Variants in PSTPIP2 observed in about 807,000 individuals in gnomAD.
PSTPIP2 encodes proline-serine-threonine phosphatase-interacting protein 2.
A neutral mutation model predicts 63.3 loss-of-function variants in PSTPIP2; 33 were observed. The observed-to-expected ratio is 0.52, with a 90% confidence interval of 0.40 to 0.70. The LOEUF (loss-of-function observed/expected upper bound fraction) is 0.70. PSTPIP2 is among the 30% of genes least tolerant of loss of function. The pLI, the probability that PSTPIP2 is intolerant of heterozygous loss-of-function variation, is 0.00. For missense variants in PSTPIP2, 312 were observed against 400.7 expected (o/e 0.78, Z 1.89); for synonymous variants, 125 against 132.7 (o/e 0.94, Z 0.40).
In PSTPIP2 at chr18:46,055,945, G is replaced by A. The variant is rs74733690; in HGVS notation, c.34-15898C>T. Among the ~76,000 whole-genome samples the A allele has an allele frequency of 6.1e-3, 935 of 152,314 alleles. 8 individuals are homozygous for A. Among genetic ancestry groups the A allele is most frequent in the South Asian group, 0.019 (93 of 4,830 alleles). Reference sequence around the variant, plus strand: ...GCAGGCAAACAAGCTTCTACTCCACGGGAAAACCGAGTATTTTTAGACTGT... The same window carrying A: ...GCAGGCAAACAAGCTTCTACTCCACAGGAAAACCGAGTATTTTTAGACTGT... On this transcript the variant is annotated intron_variant, in intron 1 of 14. Transcript: ENST00000409746.
At chr18:46,046,617 A>G (rs1040244809) in intron 1 of PSTPIP2, among the ~76,000 whole-genome samples, 4 of 152,242 alleles carry the variant, frequency 2.6e-5, no homozygotes, top group African/African-American at 9.6e-5. Flanking sequence ...AAGAACCATC[A>G]TGGTTCCTGC....
At chr18:46,015,789 T>A (rs1020346160) in intron 4 of PSTPIP2, 114 bp downstream of exon 4, 2 of 1,211,070 alleles carry the variant, frequency 1.7e-6, no homozygotes, top group East Asian at 5.1e-5. Flanking sequence ...GGAGTTGCTC[T>A]AATTTTTTTT....
At chr18:46,052,567 T>A (rs1434771920) in intron 1 of PSTPIP2, among the ~76,000 whole-genome samples, 6 of 150,276 alleles carry the variant, frequency 4.0e-5, no homozygotes, top group South Asian at 2.1e-4. Flanking sequence ...AATGTTAATT[T>A]AAAAAAAAAA....
chr18:45,998,728 G>A (rs1599701602), intron 8 of PSTPIP2, 66 bp downstream of exon 8: 3 of 1,502,408 alleles, frequency 2.0e-6, no homozygotes, highest in Middle Eastern at 1.7e-4. Flanking sequence ...CTTTCTCAGG[G>A]ACACATTTAG....
chr18:46,011,378 AT>A, intron 4 of PSTPIP2, 91 bp from the exon 5 acceptor site: 2 of 1,007,156 alleles, frequency 2.0e-6, no homozygotes, highest in Non-Finnish European at 3.0e-6. Flanking sequence ...TATATACAAA[AT>A]ACTGGAGTAA....
At chr18:46,004,124 G>T (rs890521205) in intron 6 of PSTPIP2, among the ~76,000 whole-genome samples, 1 of 152,082 alleles carries the variant, frequency 6.6e-6, no homozygotes, top group Non-Finnish European at 1.5e-5. Flanking sequence ...GCCCCAGATT[G>T]TTTAAAATAT....
intron 4 of PSTPIP2, among the ~76,000 whole-genome samples, chr18:46,013,544 C>T (rs1351242203): frequency 1.3e-5 from 2 of 151,748 alleles, no homozygotes; most frequent in Non-Finnish European, 2.9e-5. Context: ...CACCCTGGAT[C>T]GCCCAACTTC....
chr18:45,998,909 A>G (rs2051634457), intron 7 of PSTPIP2, 70 bp from the exon 8 acceptor site: 2 of 1,540,472 alleles, frequency 1.3e-6, no homozygotes, highest in South Asian at 2.2e-5. Flanking sequence ...TCCACAGGCA[A>G]AACAGATTGA....
At chr18:46,053,456 A>G (rs1041743421) in intron 1 of PSTPIP2, among the ~76,000 whole-genome samples, 1 of 152,196 alleles carries the variant, frequency 6.6e-6, no homozygotes, top group South Asian at 2.1e-4. Flanking sequence ...TCGAAGTCCA[A>G]TGCCTTTTCT....
chr18:46,007,800 C>T (rs2051745202), intron 5 of PSTPIP2, among the ~76,000 whole-genome samples: 1 of 152,202 alleles, frequency 6.6e-6, no homozygotes, highest in African/African-American at 2.4e-5. Context: ...CTGTCTCTGC[C>T]TTCAAGGATT....
At chr18:46,034,994 AT>A (rs1161524918) in intron 2 of PSTPIP2, among the ~76,000 whole-genome samples, 1 of 152,122 alleles carries the variant, frequency 6.6e-6, no homozygotes, top group Non-Finnish European at 1.5e-5. Flanking sequence ...TCATTATATA[AT>A]ATTTCGCCAC....
At chr18:46,034,782 A>G (rs1437733184) in intron 2 of PSTPIP2, among the ~76,000 whole-genome samples, 1 of 152,198 alleles carries the variant, frequency 6.6e-6, no homozygotes, top group Non-Finnish European at 1.5e-5. Flanking sequence ...TTCTTCAATT[A>G]TAACATAAGG....
At chr18:46,060,751 G>A (rs1333961043) in intron 1 of PSTPIP2, among the ~76,000 whole-genome samples, 5 of 152,200 alleles carry the variant, frequency 3.3e-5, no homozygotes, top group Non-Finnish European at 5.9e-5. Context: ...TCCGCCCAGA[G>A]GACTGGTTTC....
intron 13 of PSTPIP2, among the ~76,000 whole-genome samples, chr18:45,990,205 T>C (rs1029896160): frequency 2.0e-5 from 3 of 152,194 alleles, no homozygotes; most frequent in Non-Finnish European, 1.5e-5. Context: ...TTTCTTTTGG[T>C]ATTTCAGTAA....
intron 5 of PSTPIP2, among the ~76,000 whole-genome samples, chr18:46,007,240 G>A (rs937218042): frequency 6.6e-6 from 1 of 152,210 alleles, no homozygotes; most frequent in Non-Finnish European, 1.5e-5. Context: ...AGGAATATTG[G>A]GAATGGTCTC....
intron 1 of PSTPIP2, among the ~76,000 whole-genome samples, chr18:46,065,289 G>T (rs534808604): frequency 6.7e-6 from 1 of 150,156 alleles, no homozygotes; most frequent in Non-Finnish European, 1.5e-5. Flanking sequence ...TATAAAATAA[G>T]TTATAATTTT....
At chr18:46,003,246 G>A (rs2051687928) in intron 6 of PSTPIP2, among the ~76,000 whole-genome samples, 1 of 152,226 alleles carries the variant, frequency 6.6e-6, no homozygotes, top group Non-Finnish European at 1.5e-5. Context: ...ATTTCCCGGT[G>A]CAGGTGGAAG....
At chr18:46,018,945 T>C (rs2051881750) in intron 3 of PSTPIP2, among the ~76,000 whole-genome samples, 1 of 152,216 alleles carries the variant, frequency 6.6e-6, no homozygotes, top group African/African-American at 2.4e-5. Flanking sequence ...GTCTACCATG[T>C]TGTGGATATG....
intron 6 of PSTPIP2, among the ~76,000 whole-genome samples, chr18:46,004,820 A>C (rs1599706668): frequency 6.6e-6 from 1 of 152,204 alleles, no homozygotes; most frequent in South Asian, 2.1e-4. Flanking sequence ...AAAGAACTAA[A>C]AGCAGAACTA....
Sources: allele counts gnomAD v4.1 joint callset (sites outside exome capture counted in the v4.1 genomes callset), GRCh38; gene constraint gnomAD v4.1.1; transcripts MANE v1.5; gene names NCBI Gene and HGNC (gene_info 2026-07-23, HGNC 2026-07-21).